Variants in ARK2N observed in about 807,000 individuals in gnomAD.
ARK2N encodes the protein arkadia (RNF111) N-terminal like PKA signaling regulator 2N, also known as protein ARK2N.
chr18:46,194,351 A>T, the ARK2N span, among the ~76,000 whole-genome samples: 22 of 152,092 alleles, frequency 1.4e-4, no homozygotes. Context: ...CTGTAATCCC[A>T]GCACCTTGGG....
chr18:46,179,074 C>G, the ARK2N span, among the ~76,000 whole-genome samples: 1 of 151,690 alleles, frequency 6.6e-6, no homozygotes, highest in Non-Finnish European at 1.5e-5. Flanking sequence ...TCCCGAGTAG[C>G]TGGGATTACA....
At chr18:46,176,752 GGA>G in the ARK2N span, among the ~76,000 whole-genome samples, 1 of 152,006 alleles carries the variant, frequency 6.6e-6, no homozygotes, top group Non-Finnish European at 1.5e-5. Context: ...CAATTAGCTG[GGA>G]TTACAGGCAT....
chr18:46,200,415 C>G, the ARK2N span, among the ~76,000 whole-genome samples: 1 of 152,142 alleles, frequency 6.6e-6, no homozygotes, highest in Non-Finnish European at 1.5e-5. Context: ...TCAAGCGATT[C>G]TCCTGCCTCA....
chr18:46,215,178 G>T, the ARK2N span, among the ~76,000 whole-genome samples: 1 of 152,168 alleles, frequency 6.6e-6, no homozygotes, highest in Non-Finnish European at 1.5e-5. Context: ...AATTAGCCGG[G>T]TGTGGTGGTG....
the ARK2N span, among the ~76,000 whole-genome samples, chr18:46,194,457 C>CTT: frequency 1.3e-5 from 2 of 150,300 alleles, no homozygotes; most frequent in African/African-American, 4.9e-5. Context: ...ATTACAGAAT[C>CTT]TTTTTTTTGT....
At chr18:46,180,701 C>G in the ARK2N span, among the ~76,000 whole-genome samples, 1 of 148,782 alleles carries the variant, frequency 6.7e-6, no homozygotes, top group Non-Finnish European at 1.5e-5. Flanking sequence ...GAAACTCTGT[C>G]TCAAAAAAAA....
chr18:46,225,520 G>A, the ARK2N span, among the ~76,000 whole-genome samples: 1 of 152,046 alleles, frequency 6.6e-6, no homozygotes, highest in African/African-American at 2.4e-5. Context: ...GTGCAATGGC[G>A]CGATCTCGGC....
the ARK2N span, among the ~76,000 whole-genome samples, chr18:46,192,307 C>T: frequency 6.6e-6 from 1 of 152,078 alleles, no homozygotes; most frequent in Non-Finnish European, 1.5e-5. Flanking sequence ...GGTGAGGTGG[C>T]TCACGCCTGT....
At chr18:46,253,209 A>G in the ARK2N span, among the ~76,000 whole-genome samples, 151,613 of 152,336 alleles carry the variant, frequency 1, 75,448 homozygotes, top group East Asian at 1. Context: ...GATTACTTCT[A>G]TTATTCTATA....
the ARK2N span, among the ~76,000 whole-genome samples, chr18:46,262,343 T>C: frequency 6.6e-6 from 1 of 152,220 alleles, no homozygotes. Context: ...AACCAAATTA[T>C]AAGCGATTCT....
At chr18:46,248,738 C>G in the ARK2N span, among the ~76,000 whole-genome samples, 1 of 152,176 alleles carries the variant, frequency 6.6e-6, no homozygotes, top group Non-Finnish European at 1.5e-5. Flanking sequence ...GCATGTGCCA[C>G]CACACCCAGC....
the ARK2N span, among the ~76,000 whole-genome samples, chr18:46,184,253 G>A: frequency 6.6e-6 from 1 of 152,180 alleles, no homozygotes; most frequent in South Asian, 2.1e-4. Context: ...GCCTCCCAAA[G>A]TGCTGGGATT....
the ARK2N span, among the ~76,000 whole-genome samples, chr18:46,198,701 T>A: frequency 1.3e-5 from 2 of 151,948 alleles, no homozygotes; most frequent in African/African-American, 4.8e-5. Context: ...CGGGTTCAAG[T>A]GATTCTCCTG....
the ARK2N span, among the ~76,000 whole-genome samples, chr18:46,242,309 A>G: frequency 3.3e-5 from 5 of 152,140 alleles, no homozygotes; most frequent in Non-Finnish European, 5.9e-5. Context: ...ATTAGATTGA[A>G]CCGTATGGAA....
chr18:46,248,785 C>A, the ARK2N span, among the ~76,000 whole-genome samples: 4,571 of 152,166 alleles, frequency 0.03, 237 homozygotes, highest in African/African-American at 0.1. Context: ...GGGTTTCACT[C>A]TGTTGGCTAG....
chr18:46,261,068 T>G, the ARK2N span, among the ~76,000 whole-genome samples: 1 of 152,238 alleles, frequency 6.6e-6, no homozygotes, highest in South Asian at 2.1e-4. Context: ...TTGCCACTCG[T>G]TGCCTGAATT....
At chr18:46,255,439 T>G in the ARK2N span, among the ~76,000 whole-genome samples, 6,424 of 123,400 alleles carry the variant, frequency 0.052, 193 homozygotes, top group Middle Eastern at 0.091. Context: ...GCTTTTCTTT[T>G]CTTTTCTTTT....
the ARK2N span, among the ~76,000 whole-genome samples, chr18:46,200,561 C>T: frequency 3.9e-5 from 6 of 152,192 alleles, no homozygotes; most frequent in African/African-American, 7.2e-5. Context: ...CCGCCTCAGC[C>T]TCCCAAAGTG....
the ARK2N span, among the ~76,000 whole-genome samples, chr18:46,246,668 C>T: frequency 9.5e-4 from 22 of 23,216 alleles, no homozygotes; most frequent in South Asian, 6.4e-3. Flanking sequence ...CTAGGCTAGG[C>T]GCGGAGGCTC....
Sources: allele counts gnomAD v4.1 joint callset (sites outside exome capture counted in the v4.1 genomes callset), GRCh38; gene constraint gnomAD v4.1.1; transcripts MANE v1.5; gene names NCBI Gene and HGNC (gene_info 2026-07-23, HGNC 2026-07-21).